The following FAM78A variants were observed in gnomAD, a reference collection of about 807,000 sequenced individuals.
The protein encoded by FAM78A is protein FAM78A.
In FAM78A, 12 loss-of-function variants were observed where a neutral mutation model predicts 22.6. That is an observed-to-expected ratio of 0.53 (90% CI 0.34 to 0.86). The LOEUF is 0.86. FAM78A is among the 40% of genes least tolerant of loss of function. The pLI is 0.02. For synonymous variants in FAM78A, 151 were observed against 155.8 expected (o/e 0.97, Z 0.23); for missense variants, 322 against 396.1 (o/e 0.81, Z 1.59).
At chr9:131,269,483 A>ATTTTTTT (rs111550579) in intron 1 of FAM78A, among the ~76,000 whole-genome samples, 3 of 142,474 alleles carry the variant, frequency 2.1e-5, no homozygotes, top group South Asian at 2.3e-4. Flanking sequence ...TCACGTGTGC[A>ATTTTTTT]TTTTTTTTTT....
chr9:131,270,725 C>A (rs1321413289), intron 1 of FAM78A, among the ~76,000 whole-genome samples: 1 of 152,164 alleles, frequency 6.6e-6, no homozygotes, highest in Non-Finnish European at 1.5e-5. Context: ...GACGCTCAGA[C>A]CCCGGCTTCA....
At chr9:131,270,131 G>A (rs1026450504) in intron 1 of FAM78A, 16 of 601,748 alleles carry the variant, frequency 2.7e-5, no homozygotes, top group Middle Eastern at 3.7e-4. Context: ...GCTTGAACCC[G>A]GGAGGCGGAT....
rs537671064 is a variant in FAM78A, at chr9:131,275,207, G to A, written c.323+650C>T. 3.9e-5 allele frequency among the ~76,000 whole-genome samples: 6 copies of A among 152,290 alleles called. No individual in the cohort carries two copies. In the East Asian group the frequency reaches 7.7e-4, roughly 20 times the overall value. On this transcript the variant is annotated intron_variant, in intron 1 of 1. Transcript: ENST00000372271. The surrounding 1 kb of genome is among the most constrained non-coding windows in gnomAD (Gnocchi z 4.6). ...TCTTTGCTGTTCCTGTTAGGGCCTCGCCAGAGGGACACTGGACTTGTCTGC... is the reference window on the plus strand; with the variant it reads ...TCTTTGCTGTTCCTGTTAGGGCCTCACCAGAGGGACACTGGACTTGTCTGC...
chr9:131,278,923 G>C (rs1277631164), upstream of FAM78A, among the ~76,000 whole-genome samples: 3 of 152,256 alleles, frequency 2.0e-5, no homozygotes, highest in African/African-American at 7.2e-5. Flanking sequence ...TGTGAGGGCA[G>C]GGCTGGAGGG....
At chr9:131,280,257 G>A (rs528343057), upstream of FAM78A, among the ~76,000 whole-genome samples, 69 of 152,268 alleles carry the variant, frequency 4.5e-4, no homozygotes, top group African/African-American at 1.6e-3. Flanking sequence ...GGTTCTGGTG[G>A]CTTCCCCAGC....
rs1269357624 is a variant in FAM78A at position 131,258,832 on chromosome 9, C to T, written c.*1990G>A. 6.6e-6 allele frequency: 1 copy of T among 152,302 alleles called. No homozygotes were observed. Among genetic ancestry groups the T allele is most frequent in the East Asian group, 1.9e-4 (1 of 5,196 alleles). 9.4% of individuals were successfully genotyped at this position (152,302 alleles called of 1,614,324 possible). A position where few individuals can be genotyped will look rare whatever the true frequency, so the allele number is the denominator to read the frequency against. On this transcript the variant is annotated 3_prime_UTR_variant, in exon 2 of 2. Transcript: ENST00000372271. ...CGGGGTGGCACGGCCTCCATCCTCACAAGAGAACCTGCAGTTTCTGCGGGG... is the reference window on the plus strand; with the variant it reads ...CGGGGTGGCACGGCCTCCATCCTCATAAGAGAACCTGCAGTTTCTGCGGGG...
At chr9:131,278,991 T>C (rs1207687256), upstream of FAM78A, among the ~76,000 whole-genome samples, 1 of 152,232 alleles carries the variant, frequency 6.6e-6, no homozygotes, top group Admixed American at 6.5e-5. Context: ...CCAGGACATC[T>C]CACAGCAGCA....
In FAM78A at chr9:131,276,012, CTCA is replaced by C. The variant is rs1298575766; in HGVS notation, c.165_167del (p.Asp55del). On this transcript the variant is annotated inframe_deletion, in exon 1 of 2. Coordinates refer to ENST00000372271, the MANE Select transcript of FAM78A (RefSeq NM_033387.4). This position sits in a 1 kb window ranked among gnomAD's most constrained non-coding sequence, Gnocchi z 4.3. ...GGTAGCGGAGCACCACGCTGGAGGA[CTCA>C]TCGATGCTAGTGGGGACGGGGTCGA... 2 of 1,613,632 alleles carry C rather than the reference CTCA, an allele frequency of 1.2e-6. No homozygotes were observed. Among genetic ancestry groups the C allele is most frequent in the African/African-American group, 2.7e-5 (2 of 74,928 alleles).
Position 131,276,401 on chromosome 9 carries a change from TAA to T in FAM78A, c.-224_-223del. On this transcript the variant is annotated 5_prime_UTR_variant, in exon 1 of 2. The change creates a premature stop within an existing upstream ORF in the 5' untranslated region. Transcript: ENST00000372271. This position sits in a 1 kb window ranked among gnomAD's most constrained non-coding sequence, Gnocchi z 4.3. ...CAAAAATCACCGATATTCTTTGGGTTAAAAAAAGTTTGTAGTTTAATGAATAA... is the reference window on the plus strand; with the variant it reads ...CAAAAATCACCGATATTCTTTGGGTTAAAAAGTTTGTAGTTTAATGAATAA... 2.0e-6 allele frequency: 1 copy of T among 490,176 alleles called. No homozygotes were observed. The highest frequency in any genetic ancestry group is 3.6e-6 in the Non-Finnish European group (1 of 278,364). 30.4% of individuals were successfully genotyped at this position (490,176 alleles called of 1,614,324 possible).
At chr9:131,269,224 C>T (rs978206843) in intron 1 of FAM78A, among the ~76,000 whole-genome samples, 1 of 152,168 alleles carries the variant, frequency 6.6e-6, no homozygotes, top group African/African-American at 2.4e-5. Context: ...TCTCTGCATA[C>T]ACACACAGGA....
intron 1 of FAM78A, among the ~76,000 whole-genome samples, chr9:131,270,729 G>A (rs3802348): frequency 0.086 from 13,082 of 151,264 alleles, 1,589 homozygotes; most frequent in African/African-American, 0.27. Context: ...CTCAGACCCC[G>A]GCTTCAGGAA....
chr9:131,270,190 G>T (rs1441585224), intron 1 of FAM78A: 2 of 697,198 alleles, frequency 2.9e-6, no homozygotes, highest in Non-Finnish European at 5.3e-6. Flanking sequence ...TGGGTGACAA[G>T]AGTGAAACTG....
chr9:131,268,986 G>A (rs1835382493), intron 1 of FAM78A, among the ~76,000 whole-genome samples: 2 of 150,858 alleles, frequency 1.3e-5, no homozygotes, highest in African/African-American at 4.9e-5. Flanking sequence ...GATTGCTTGA[G>A]GTCAGTTCAA....
In FAM78A at chr9:131,275,981, G is replaced by A. The variant is rs1835479074; in HGVS notation, c.199C>T (p.Pro67Ser). The A allele has an allele frequency of 1.9e-6, 3 of 1,613,502 alleles. No homozygotes were observed. Among genetic ancestry groups the A allele is most frequent in the Non-Finnish European group, 2.5e-6 (3 of 1,180,042 alleles). ...SSSVVLRYRT[P>S]HFRASAQVVM... ...ACCTGGGCCGAGGCCCGGAAGTGGG[G>A]TGTCCGGTAGCGGAGCACCACGCTG... Residue 67 changes from proline (P) to serine (S), a missense_variant, in exon 1 of 2, where the codon CCC (proline) becomes TCC (serine). Coordinates refer to ENST00000372271, the MANE Select transcript of FAM78A (RefSeq NM_033387.4). The surrounding 1 kb of genome is among the most constrained non-coding windows in gnomAD (Gnocchi z 4.6).
At position 131,260,171 on chromosome 9, in the gene FAM78A, G is replaced by A. The variant is rs559591389; in HGVS notation, c.*651C>T. 1 of 152,718 alleles carries A rather than the reference G, an allele frequency of 6.5e-6. No homozygotes were observed. The highest frequency in any genetic ancestry group is 2.4e-5 in the African/African-American group (1 of 41,560). 9.5% of individuals were successfully genotyped at this position (152,718 alleles called of 1,614,324 possible). Reference sequence around the variant, plus strand: ...ATGCCCATCCTCACCCTTCTCCCAAGACAACCGGGAAGAAGGGCTCAAGAG... The same window carrying A: ...ATGCCCATCCTCACCCTTCTCCCAAAACAACCGGGAAGAAGGGCTCAAGAG... On this transcript the variant is annotated 3_prime_UTR_variant, in exon 2 of 2. Coordinates refer to ENST00000372271, the MANE Select transcript of FAM78A (RefSeq NM_033387.4). The surrounding 1 kb of genome is among the most constrained non-coding windows in gnomAD (Gnocchi z 5.4).
intron 1 of FAM78A, among the ~76,000 whole-genome samples, chr9:131,266,269 C>T (rs949354913): frequency 1.3e-5 from 2 of 152,208 alleles, no homozygotes; most frequent in Non-Finnish European, 1.5e-5. Context: ...CCTGTTAAAC[C>T]GGCCATGACT....
chr9:131,269,161 C>CGCCCCTCCCCATGT (rs930948666), intron 1 of FAM78A, among the ~76,000 whole-genome samples: 41 of 151,596 alleles, frequency 2.7e-4, no homozygotes, highest in African/African-American at 9.7e-4. Context: ...CCTCCCCATG[C>CGCCCCTCCCCATGT]GCCCCTCCCC....
chr9:131,278,209 G>C (rs1835509931), upstream of FAM78A, among the ~76,000 whole-genome samples: 2 of 151,924 alleles, frequency 1.3e-5, no homozygotes, highest in Admixed American at 6.6e-5. Context: ...TTGAACAAAC[G>C]ACATTTCCTT....
upstream of FAM78A, among the ~76,000 whole-genome samples, chr9:131,278,964 C>T (rs1473551362): frequency 6.6e-6 from 1 of 152,234 alleles, no homozygotes; most frequent in Non-Finnish European, 1.5e-5. Context: ...TGGATCTCTC[C>T]TTTGAGGGGT....
Sources: gnomAD v4.1 joint callset for allele counts (sites outside exome capture counted in the v4.1 genomes callset) on GRCh38, gnomAD v4.1.1 for gene constraint, Gnocchi (gnomAD v3.1) non-coding constraint, MANE v1.5 for transcripts, NCBI Gene and HGNC (gene_info 2026-07-23, HGNC 2026-07-21) for gene names.